FAM184A: variants seen among roughly 807,000 people sequenced by gnomAD.
FAM184A encodes family with sequence similarity 184 member A, also known as protein FAM184A.
A neutral mutation model predicts 143.8 loss-of-function variants in FAM184A; 99 were observed. The observed-to-expected ratio is 0.69, with a 90% CI of 0.58 to 0.81. FAM184A has a LOEUF of 0.81. Among genes scored for constraint, FAM184A ranks in the 40% least tolerant of loss-of-function variants. The pLI, the probability that FAM184A is intolerant of heterozygous loss-of-function variation, is 0.00. For synonymous variants in FAM184A, 427 were observed against 446.4 expected, an observed-to-expected ratio of 0.96 and a Z score of 0.55; for missense variants, 1,217 against 1,310.5, an observed-to-expected ratio of 0.93 and a Z score of 1.10.
intron 1 of FAM184A, among the ~76,000 whole-genome samples, chr6:119,100,447 C>T (rs781660686): frequency 6.6e-6 from 1 of 151,990 alleles, no homozygotes; most frequent in African/African-American, 2.4e-5. Context: ...AGTTTGCTCC[C>T]CAGGAAATTA....
intron 1 of FAM184A, among the ~76,000 whole-genome samples, chr6:119,044,242 G>C (rs1230567907): frequency 1.3e-5 from 2 of 152,110 alleles, no homozygotes; most frequent in Admixed American, 6.5e-5. Context: ...ATTTGCAGAT[G>C]ATACAATTTT....
In FAM184A at chr6:118,960,534, C is replaced by G. The variant is rs2275764; in HGVS notation, c.3342-350G>C. 4.3e-4 allele frequency among the ~76,000 whole-genome samples: 66 copies of G among 152,288 alleles called. No homozygotes were observed. The East Asian group carries it at 0.011, about 24-fold the overall frequency. Reference sequence around the variant, plus strand: ...GGTCCTCTCTTTCAGCACCTTTTCTCTTTTAGCTGATCGTACAGATGTGTC... The same window carrying G: ...GGTCCTCTCTTTCAGCACCTTTTCTGTTTTAGCTGATCGTACAGATGTGTC... On this transcript the variant is annotated intron_variant, in intron 17 of 17. Transcript: ENST00000338891.
chr6:119,054,312 A>AC (rs1357911266), intron 1 of FAM184A, among the ~76,000 whole-genome samples: 1 of 152,208 alleles, frequency 6.6e-6, no homozygotes, highest in Non-Finnish European at 1.5e-5. Flanking sequence ...TAACAAAAAT[A>AC]CCATAAACTA....
chr6:119,097,509 GT>G (rs1005477836), intron 1 of FAM184A, among the ~76,000 whole-genome samples: 17 of 152,088 alleles, frequency 1.1e-4, no homozygotes, highest in African/African-American at 4.1e-4. Flanking sequence ...TATTTGGGAG[GT>G]TGTGATACTA....
rs1783340142 is a variant in FAM184A at position 118,961,936 on chromosome 6, T to G, written c.3166A>C (p.Thr1056Pro). ...TTGGGAACACTCACAAACCTGTTTG[T>G]TGGTGATTTATCATTCTTCTTCTTT... The part of the protein sequence containing the change: ...KQKKKNDKSP[T>P]NRFVSVPNLS... Residue 1056 changes from threonine to proline, a missense_variant, in exon 17 of 18, where the codon ACA becomes CCA. Transcript: ENST00000338891. 6.2e-7 allele frequency: 1 copy of G among 1,613,890 alleles called. No homozygotes were observed. Among genetic ancestry groups the G allele is most frequent in the African/African-American group, 1.3e-5 (1 of 75,000 alleles).
intron 14 of FAM184A, among the ~76,000 whole-genome samples, chr6:118,972,574 TAAAAGC>T (rs1334262720): frequency 1.3e-5 from 2 of 152,142 alleles, no homozygotes; most frequent in Admixed American, 1.3e-4. Flanking sequence ...GTAGTTTACT[TAAAAGC>T]AAATACTAAT....
At chr6:118,988,784 T>C (rs932241149) in intron 9 of FAM184A, among the ~76,000 whole-genome samples, 10 of 152,102 alleles carry the variant, frequency 6.6e-5, no homozygotes, top group Non-Finnish European at 2.9e-5. Flanking sequence ...TGATACACCA[T>C]TGGAAAAACC....
intron 1 of FAM184A, among the ~76,000 whole-genome samples, chr6:119,133,471 G>A (rs538260347): frequency 2.0e-5 from 3 of 152,194 alleles, no homozygotes; most frequent in East Asian, 1.9e-4. Flanking sequence ...TAAGAGAAGC[G>A]GGGCTGCAGT....
intron 1 of FAM184A, among the ~76,000 whole-genome samples, chr6:119,032,963 G>A (rs1451571225): frequency 6.6e-6 from 1 of 152,140 alleles, no homozygotes; most frequent in Non-Finnish European, 1.5e-5. Context: ...CCTTCTGCCA[G>A]AGGCTATTCT....
At chr6:119,085,880 G>A (rs946512505) in intron 1 of FAM184A, among the ~76,000 whole-genome samples, 3 of 152,132 alleles carry the variant, frequency 2.0e-5, no homozygotes, top group South Asian at 4.1e-4. Flanking sequence ...AAGAGAGAGT[G>A]GGGGGAGGTG....
At chr6:119,038,832 G>A (rs1425994580) in intron 1 of FAM184A, among the ~76,000 whole-genome samples, 1 of 152,128 alleles carries the variant, frequency 6.6e-6, no homozygotes, top group Non-Finnish European at 1.5e-5. Context: ...GTAACAAGAG[G>A]AGGTCAGGGA....
At chr6:119,076,443 T>C (rs944335635) in intron 1 of FAM184A, among the ~76,000 whole-genome samples, 4 of 152,148 alleles carry the variant, frequency 2.6e-5, no homozygotes, top group African/African-American at 4.8e-5. Flanking sequence ...GTGGGTAATG[T>C]CATGGGAGAA....
chr6:118,991,956 G>A (rs2114613308), intron 9 of FAM184A, among the ~76,000 whole-genome samples: 1 of 151,550 alleles, frequency 6.6e-6, no homozygotes, highest in South Asian at 2.1e-4. Context: ...AGTAGAGACG[G>A]GGTTTCACCA....
chr6:119,008,344 G>T (rs79355581), intron 6 of FAM184A, among the ~76,000 whole-genome samples: 2,213 of 152,312 alleles, frequency 0.015, 32 homozygotes, highest in Middle Eastern at 0.041. Flanking sequence ...CAGGCACATG[G>T]TTTAAGCTTA....
At chr6:119,066,883 A>G (rs553928954) in intron 1 of FAM184A, among the ~76,000 whole-genome samples, 6 of 152,358 alleles carry the variant, frequency 3.9e-5, no homozygotes, top group African/African-American at 7.2e-5. Context: ...CTCGAACTGT[A>G]TAAGATTTCA....
At chr6:119,068,954 C>A in intron 1 of FAM184A, 1 of 244,746 alleles carries the variant, frequency 4.1e-6, no homozygotes, top group East Asian at 1.6e-4. Context: ...TAAAATTTGT[C>A]AGAATTAATG....
Position 118,970,008 on chromosome 6 carries a change from A to ATATATATATTTTTT in FAM184A, c.2916-3057_2916-3056insAAAAAATATATATA. ...ATATATATATAATATATATATATAT[A>ATATATATATTTTTT]TTTTTTTTTTTTTGAGATGGAGTTT... On this transcript the variant is annotated intron_variant, in intron 14 of 17. Transcript: ENST00000338891. 4.2e-4 allele frequency among the ~76,000 whole-genome samples: 8 copies of ATATATATATTTTTT among 19,050 alleles called. 1 individual carries two copies. The highest frequency in any genetic ancestry group is 1.5e-3 in the Admixed American group (2 of 1,316). The allele number at this position is 19,050 out of a possible 152,430, so 12.5% of individuals were successfully genotyped here.
intron 5 of FAM184A, 64 bp downstream of exon 5, chr6:119,016,683 C>T (rs751451245): frequency 3.0e-5 from 42 of 1,416,872 alleles, no homozygotes; most frequent in Middle Eastern, 3.6e-4. Flanking sequence ...CCACCAATTC[C>T]GGACACACTA....
At chr6:119,073,709 C>T (rs934792390) in intron 1 of FAM184A, among the ~76,000 whole-genome samples, 1 of 152,202 alleles carries the variant, frequency 6.6e-6, no homozygotes, top group Admixed American at 6.5e-5. Context: ...ACTTGAAGAA[C>T]TTGACATGTG....
Sources: gnomAD v4.1 joint callset for allele counts (sites outside exome capture counted in the v4.1 genomes callset) on GRCh38, gnomAD v4.1.1 for gene constraint, MANE v1.5 for transcripts, NCBI Gene and HGNC (gene_info 2026-07-23, HGNC 2026-07-21) for gene names.